PRRG1: variants seen among roughly 807,000 people sequenced by gnomAD.
PRRG1 encodes the protein proline rich and Gla domain 1, also known as transmembrane gamma-carboxyglutamic acid protein 1.
A neutral mutation model predicts 11.8 loss-of-function variants in PRRG1; 5 were observed. The ratio of observed to expected loss-of-function variants is 0.42; its 90% CI spans 0.22 to 0.89. PRRG1 has a LOEUF of 0.89. Among genes scored for constraint, PRRG1 ranks in the 40% least tolerant of loss-of-function variants. The probability of loss-of-function intolerance (pLI) is 0.28; values close to 1 mark genes in which losing one functional copy is unlikely to be tolerated. For missense variants in PRRG1, 155 were observed against 166.1 expected (o/e 0.93, Z 0.37); for synonymous variants, 66 against 60.4 (o/e 1.09, Z -0.43).
chrX:37,398,101 C>T (rs1000832762), intron 1 of PRRG1, among the ~76,000 whole-genome samples: 4 of 109,884 alleles, frequency 3.6e-5, no homozygotes, highest in African/African-American at 1.0e-4. Context: ...TAAATGTCCC[C>T]GTCTGACAGC....
intron 2 of PRRG1, among the ~76,000 whole-genome samples, chrX:37,421,847 A>C (rs1389513813): frequency 5.3e-5 from 6 of 112,218 alleles, no homozygotes; most frequent in African/African-American, 1.9e-4. Flanking sequence ...AATGGCAGAC[A>C]TAACTAATCT....
intron 3 of PRRG1, chrX:37,441,792 G>A (rs1932985385): frequency 1.3e-6 from 1 of 785,111 alleles, no homozygotes; most frequent in African/African-American, 2.2e-5. Context: ...GGAAGCCAGA[G>A]CGTCAAGACT....
chrX:37,397,151 T>C (rs1160765886), intron 1 of PRRG1, among the ~76,000 whole-genome samples: 2 of 112,845 alleles, frequency 1.8e-5, no homozygotes, highest in African/African-American at 6.4e-5. Flanking sequence ...AAAATTTCTA[T>C]AACTTTAATA....
intron 2 of PRRG1, among the ~76,000 whole-genome samples, chrX:37,411,429 A>T (rs1325452636): frequency 8.9e-6 from 1 of 112,096 alleles, no homozygotes; most frequent in African/African-American, 3.2e-5. Flanking sequence ...ACCAACTGGC[A>T]TATTCATGAT....
chrX:37,453,641 C>T lies in PRRG1; in HGVS notation c.*20C>T, dbSNP rs1921244114. 1.1e-5 allele frequency: 13 copies of T among 1,138,717 alleles called. No individual in the cohort carries two copies. The highest frequency in any genetic ancestry group is 1.5e-5 in the Non-Finnish European group (13 of 859,768). 93.8% of individuals were successfully genotyped at this position (1,138,717 alleles called of 1,213,427 possible). A position where few individuals can be genotyped will look rare whatever the true frequency, so the allele number is the denominator to read the frequency against. On this transcript the variant is annotated 3_prime_UTR_variant, in exon 4 of 4. Coordinates refer to ENST00000378628, the MANE Select transcript of PRRG1 (RefSeq NM_001142395.2). ...AAATGAAGCTGCAAACTTCTTTTTA[C>T]TCTAATCATTTTTAAAATACTAATG...
chrX:37,410,708 A>G (rs146533316), intron 2 of PRRG1, among the ~76,000 whole-genome samples: 2,181 of 112,239 alleles, frequency 0.019, 53 homozygotes, highest in African/African-American at 0.066. Flanking sequence ...GGCAGTGACC[A>G]TAGTAGATAA....
intron 1 of PRRG1, among the ~76,000 whole-genome samples, chrX:37,358,338 T>G (rs1048677613): frequency 1.4e-4 from 16 of 111,824 alleles, no homozygotes; most frequent in Admixed American, 3.8e-4. Context: ...TCATGTAGAT[T>G]TTTTCCTATG....
At chrX:37,399,374 C>T (rs1434325098) in intron 1 of PRRG1, among the ~76,000 whole-genome samples, 1 of 107,325 alleles carries the variant, frequency 9.3e-6, no homozygotes, top group Non-Finnish European at 1.9e-5. Context: ...TCATATCCAG[C>T]CAAACTAAGC....
chrX:37,403,409 C>T (rs1458705284), intron 1 of PRRG1, among the ~76,000 whole-genome samples: 11 of 93,535 alleles, frequency 1.2e-4, no homozygotes, highest in African/African-American at 4.6e-4. Flanking sequence ...TGTTCTCACT[C>T]ATAGGTGGGA....
intron 1 of PRRG1, among the ~76,000 whole-genome samples, chrX:37,357,705 A>C (rs782336571): frequency 8.9e-6 from 1 of 112,125 alleles, no homozygotes; most frequent in South Asian, 3.7e-4. Flanking sequence ...TCAGATCAAA[A>C]AACCATAGCA....
chrX:37,400,260 A>G (rs1308882602), intron 1 of PRRG1, among the ~76,000 whole-genome samples: 3 of 111,903 alleles, frequency 2.7e-5, no homozygotes, highest in African/African-American at 9.8e-5. Context: ...AATGTAAAAG[A>G]ACAGAAATTA....
intron 3 of PRRG1, among the ~76,000 whole-genome samples, chrX:37,452,210 A>G (rs782247736): frequency 1.2e-3 from 136 of 112,291 alleles, no homozygotes; most frequent in Non-Finnish European, 2.3e-3. Flanking sequence ...AGATTTGATT[A>G]TAATATATAA....
At chrX:37,351,547 C>T (rs781856321) in intron 1 of PRRG1, among the ~76,000 whole-genome samples, 2 of 110,806 alleles carry the variant, frequency 1.8e-5, no homozygotes, top group African/African-American at 6.5e-5. Flanking sequence ...ATTCATATTG[C>T]ATAAAGTTCA....
intron 3 of PRRG1, among the ~76,000 whole-genome samples, chrX:37,443,485 A>G (rs1933022719): frequency 8.9e-6 from 1 of 111,913 alleles, no homozygotes; most frequent in African/African-American, 3.3e-5. Context: ...CTCACCAGAA[A>G]AAGTGTAAGA....
chrX:37,400,712 A>G lies in PRRG1; in HGVS notation c.-41-5497A>G, dbSNP rs1305801497. The stretch of plus-strand genomic sequence containing the variant: ...ATCCAGGAGCTGGTTTTTTGAAAGG[A>G]TCAACAAAATTGATAGACTGCTAGC... On this transcript the variant is annotated intron_variant, in intron 1 of 3. Transcript: ENST00000378628. Among the ~76,000 whole-genome samples, 7 of 111,638 alleles carry G rather than the reference A, an allele frequency of 6.3e-5. No homozygotes were observed. In the South Asian group the frequency reaches 2.6e-3, roughly 42 times the overall value.
intron 1 of PRRG1, among the ~76,000 whole-genome samples, chrX:37,374,684 C>A (rs893620847): frequency 9.0e-6 from 1 of 111,350 alleles, no homozygotes; most frequent in African/African-American, 3.3e-5. Context: ...GCTGTTAAAT[C>A]CATCTAGTGA....
chrX:37,401,671 A>G (rs1326550686), intron 1 of PRRG1, among the ~76,000 whole-genome samples: 2 of 111,366 alleles, frequency 1.8e-5, no homozygotes, highest in Non-Finnish European at 3.8e-5. Flanking sequence ...AGGGTATTCA[A>G]TTAGGAAAAG....
rs1394905290 is a variant in PRRG1 at position 37,352,328 on chromosome X, CT to C, written c.-42+2940del. ...CCTTATTCATCTAAATGCAAAAGCA[CT>C]TTTTTTCATTTCACTTTTAAAAATA... On this transcript the variant is annotated intron_variant, in intron 1 of 3. Coordinates refer to ENST00000378628, the MANE Select transcript of PRRG1 (RefSeq NM_001142395.2). Among the ~76,000 whole-genome samples the C allele has an allele frequency of 3.6e-5, 4 of 112,201 alleles. No homozygotes were observed. The Admixed American group carries it at 3.8e-4, about 11-fold the overall frequency.
intron 2 of PRRG1, among the ~76,000 whole-genome samples, chrX:37,421,580 A>T (rs535675888): frequency 8.0e-5 from 9 of 111,946 alleles, no homozygotes; most frequent in African/African-American, 2.9e-4. Flanking sequence ...GCAGCCTGGA[A>T]ATTGCCCCAT....
Sources: allele counts gnomAD v4.1 joint callset (sites outside exome capture counted in the v4.1 genomes callset), GRCh38; gene constraint gnomAD v4.1.1; transcripts MANE v1.5; gene names NCBI Gene and HGNC (gene_info 2026-07-23, HGNC 2026-07-21).